SLC9A9: variants seen among roughly 807,000 people sequenced by gnomAD.
SLC9A9 encodes the protein solute carrier family 9 member A9.
In SLC9A9, 62 loss-of-function variants were observed where a neutral mutation model predicts 77.8. The observed-to-expected ratio is 0.80, with a 90% CI of 0.65 to 0.98. The LOEUF (loss-of-function observed/expected upper bound fraction) is 0.98. Ranked by LOEUF, SLC9A9 falls within the 50% of genes least tolerant of loss-of-function variation. The pLI, the probability that SLC9A9 is intolerant of heterozygous loss-of-function variation, is 0.00. For synonymous variants in SLC9A9, 320 were observed against 283.5 expected (o/e 1.13, Z -1.29); for missense variants, 775 against 774.9 (o/e 1.00, Z 0.00).
At chr3:143,750,313 G>T (rs1418228434) in intron 4 of SLC9A9, among the ~76,000 whole-genome samples, 1 of 152,146 alleles carries the variant, frequency 6.6e-6, no homozygotes, top group Non-Finnish European at 1.5e-5. Context: ...ATTTTCACTG[G>T]CATTTTCTAT....
intron 5 of SLC9A9, among the ~76,000 whole-genome samples, chr3:143,666,256 C>G (rs1356360583): frequency 6.6e-6 from 1 of 152,156 alleles, no homozygotes; most frequent in Non-Finnish European, 1.5e-5. Flanking sequence ...TCAATAGATG[C>G]AGAAAAAGCC....
At chr3:143,761,704 A>T (rs1326003977) in intron 4 of SLC9A9, among the ~76,000 whole-genome samples, 2 of 152,204 alleles carry the variant, frequency 1.3e-5, no homozygotes, top group Non-Finnish European at 2.9e-5. Context: ...GGTGCTAGAG[A>T]GGATGTGGAG....
chr3:143,564,116 C>A (rs553055817), intron 8 of SLC9A9, among the ~76,000 whole-genome samples: 60 of 152,296 alleles, frequency 3.9e-4, no homozygotes, highest in African/African-American at 1.4e-3. Flanking sequence ...AATCCTAATT[C>A]TCACTTACGA....
chr3:143,469,275 C>T (rs1369132330), intron 11 of SLC9A9, among the ~76,000 whole-genome samples: 1 of 152,072 alleles, frequency 6.6e-6, no homozygotes. Flanking sequence ...GCACAACTAG[C>T]AAAGGAAAGG....
chr3:143,381,835 G>A (rs1030557236), intron 13 of SLC9A9: 11 of 560,732 alleles, frequency 2.0e-5, no homozygotes, highest in Admixed American at 9.0e-5. Context: ...ACTTCCTGCT[G>A]CCATAGAGAG....
intron 11 of SLC9A9, among the ~76,000 whole-genome samples, chr3:143,491,785 T>C (rs1315601019): frequency 1.3e-5 from 2 of 152,210 alleles, no homozygotes; most frequent in Non-Finnish European, 1.5e-5. Context: ...AAATGTAATA[T>C]TGAAGCTTTG....
At chr3:143,600,679 T>C (rs2037832095) in intron 6 of SLC9A9, among the ~76,000 whole-genome samples, 1 of 152,182 alleles carries the variant, frequency 6.6e-6, no homozygotes. Context: ...AATGTCTATG[T>C]TGGTCAGCAA....
At chr3:143,504,003 AGCATC>A in intron 9 of SLC9A9, 2 of 446,432 alleles carry the variant, frequency 4.5e-6, no homozygotes, top group East Asian at 1.2e-4. Flanking sequence ...AATCAGTGCC[AGCATC>A]GCCCCATTTG....
chr3:143,610,012 C>T (rs1180174959), intron 6 of SLC9A9, among the ~76,000 whole-genome samples: 1 of 152,152 alleles, frequency 6.6e-6, no homozygotes, highest in Admixed American at 6.5e-5. Flanking sequence ...TCTTATGACT[C>T]TATTCTTTCA....
intron 5 of SLC9A9, among the ~76,000 whole-genome samples, chr3:143,678,436 T>A (rs1932957741): frequency 6.6e-6 from 1 of 152,206 alleles, no homozygotes; most frequent in African/African-American, 2.4e-5. Context: ...AATTTCATTA[T>A]TTACATTTTA....
At chr3:143,445,015 G>A (rs2034816836) in intron 12 of SLC9A9, among the ~76,000 whole-genome samples, 1 of 152,084 alleles carries the variant, frequency 6.6e-6, no homozygotes, top group Non-Finnish European at 1.5e-5. Context: ...CCATAGCCCC[G>A]GTTTTCCTCT....
chr3:143,509,495 G>A (rs1340791528), intron 9 of SLC9A9, among the ~76,000 whole-genome samples: 4 of 152,098 alleles, frequency 2.6e-5, no homozygotes, highest in African/African-American at 7.2e-5. Context: ...GCTACTGCAC[G>A]CCCTTGAGAA....
intron 12 of SLC9A9, among the ~76,000 whole-genome samples, chr3:143,416,190 T>A (rs1272883347): frequency 1.3e-5 from 2 of 152,142 alleles, no homozygotes; most frequent in Admixed American, 1.3e-4. Flanking sequence ...CTGAGAAGGA[T>A]CTACTCCTGG....
At chr3:143,573,664 A>G (rs1322996190) in intron 8 of SLC9A9, among the ~76,000 whole-genome samples, 1 of 151,140 alleles carries the variant, frequency 6.6e-6, no homozygotes, top group Non-Finnish European at 1.5e-5. Context: ...ACCGACGTGT[A>G]TGGAGATGTA....
chr3:143,677,315 A>G (rs1932915546), intron 5 of SLC9A9, among the ~76,000 whole-genome samples: 1 of 152,212 alleles, frequency 6.6e-6, no homozygotes, highest in Non-Finnish European at 1.5e-5. Context: ...ATATTTTTAT[A>G]TACATTTTTG....
chr3:143,502,027 A>G (rs545777786), intron 9 of SLC9A9, among the ~76,000 whole-genome samples: 1 of 151,112 alleles, frequency 6.6e-6, no homozygotes, highest in Admixed American at 6.6e-5. Flanking sequence ...TCCACCCCAA[A>G]GCCAATAATA....
chr3:143,321,205 A>G (rs2031408603), intron 14 of SLC9A9, among the ~76,000 whole-genome samples: 1 of 152,228 alleles, frequency 6.6e-6, no homozygotes, highest in African/African-American at 2.4e-5. Context: ...AGGTTATCAC[A>G]GTCTAACAAG....
At chr3:143,520,062 A>G (rs2036269902) in intron 9 of SLC9A9, among the ~76,000 whole-genome samples, 2 of 152,238 alleles carry the variant, frequency 1.3e-5, no homozygotes, top group Admixed American at 6.5e-5. Context: ...ATCAGTAAAT[A>G]AGTGGTATTT....
At chr3:143,498,964 G>A (rs940851312) in intron 9 of SLC9A9, among the ~76,000 whole-genome samples, 1 of 152,164 alleles carries the variant, frequency 6.6e-6, no homozygotes, top group Non-Finnish European at 1.5e-5. Context: ...GTATTTTCTA[G>A]TTTGGGGCTA....
Sources: gnomAD v4.1 joint callset for allele counts (sites outside exome capture counted in the v4.1 genomes callset) on GRCh38, gnomAD v4.1.1 for gene constraint, MANE v1.5 for transcripts, NCBI Gene and HGNC (gene_info 2026-07-23, HGNC 2026-07-21) for gene names.